The following FSTL5 variants were observed in gnomAD, a reference collection of about 807,000 sequenced individuals.
The protein encoded by FSTL5 is follistatin like 5.
In FSTL5, 62 loss-of-function variants were observed where a neutral mutation model predicts 89.1. The ratio of observed to expected loss-of-function variants is 0.70; its 90% CI spans 0.57 to 0.86. FSTL5 has a LOEUF of 0.86. Ranked by LOEUF, FSTL5 falls within the 40% of genes least tolerant of loss-of-function variation. FSTL5 has a pLI of 0.00. For missense variants in FSTL5, 1,057 were observed against 1,001.6 expected (o/e 1.06, Z -0.75); for synonymous variants, 383 against 346.2 (o/e 1.11, Z -1.18).
chr4:161,650,565 C>A (rs1442393363), intron 7 of FSTL5, among the ~76,000 whole-genome samples: 3 of 152,026 alleles, frequency 2.0e-5, no homozygotes, highest in African/African-American at 7.2e-5. Context: ...GGGAGCTTTA[C>A]ATTTGGTATC....
chr4:162,021,127 T>G (rs1441718572), intron 3 of FSTL5, among the ~76,000 whole-genome samples: 1 of 152,192 alleles, frequency 6.6e-6, no homozygotes, highest in Non-Finnish European at 1.5e-5. Context: ...ATTATTAACC[T>G]ATTTATTCAA....
chr4:162,025,909 T>G (rs1204815398), intron 3 of FSTL5, among the ~76,000 whole-genome samples: 2 of 151,950 alleles, frequency 1.3e-5, no homozygotes, highest in African/African-American at 4.8e-5. Flanking sequence ...CTAAAAATAT[T>G]TCAAATAACA....
chr4:161,977,996 T>C (rs1456565310), intron 3 of FSTL5, among the ~76,000 whole-genome samples: 1 of 152,230 alleles, frequency 6.6e-6, no homozygotes, highest in Non-Finnish European at 1.5e-5. Flanking sequence ...ATTTCTTACT[T>C]ATGTCATTGT....
At chr4:161,999,168 T>C (rs1736388560) in intron 3 of FSTL5, among the ~76,000 whole-genome samples, 1 of 152,166 alleles carries the variant, frequency 6.6e-6, no homozygotes, top group Non-Finnish European at 1.5e-5. Context: ...TAATTTTTTA[T>C]TTCCACATTG....
intron 1 of FSTL5, among the ~76,000 whole-genome samples, chr4:162,156,422 AC>A (rs1733474978): frequency 6.6e-6 from 1 of 152,178 alleles, no homozygotes; most frequent in Non-Finnish European, 1.5e-5. Flanking sequence ...TAATCATTCT[AC>A]AAAAAACATA....
chr4:161,754,222 T>C (rs926138860), intron 6 of FSTL5, among the ~76,000 whole-genome samples: 10 of 152,056 alleles, frequency 6.6e-5, no homozygotes, highest in African/African-American at 2.4e-4. Context: ...ATGTTCACAG[T>C]TGATGTGTTT....
chr4:161,833,025 T>G (rs1033747667), intron 4 of FSTL5, among the ~76,000 whole-genome samples: 1 of 151,174 alleles, frequency 6.6e-6, no homozygotes, highest in Non-Finnish European at 1.5e-5. Context: ...TTTAGTGCTA[T>G]AAATTTCCCT....
At chr4:162,002,647 A>G (rs1387349223) in intron 3 of FSTL5, among the ~76,000 whole-genome samples, 1 of 152,242 alleles carries the variant, frequency 6.6e-6, no homozygotes, top group African/African-American at 2.4e-5. Context: ...CAGTAGAGTC[A>G]GATAAAACAA....
At chr4:161,735,258 C>T (rs535421412) in intron 6 of FSTL5, among the ~76,000 whole-genome samples, 12 of 152,216 alleles carry the variant, frequency 7.9e-5, no homozygotes, top group Admixed American at 3.3e-4. Context: ...ATGGGGAAGG[C>T]GCGAGAAGGT....
At chr4:161,647,845 T>G (rs1736203739) in intron 7 of FSTL5, among the ~76,000 whole-genome samples, 1 of 151,742 alleles carries the variant, frequency 6.6e-6, no homozygotes, top group Non-Finnish European at 1.5e-5. Flanking sequence ...CCACCTGGCC[T>G]GCTACGCCCC....
intron 6 of FSTL5, among the ~76,000 whole-genome samples, chr4:161,691,751 T>C (rs1579024914): frequency 4.6e-5 from 7 of 152,238 alleles, no homozygotes; most frequent in Admixed American, 3.9e-4. Context: ...ATAAAATTAT[T>C]TCCTAGATAT....
chr4:161,897,166 T>A (rs911994877), intron 4 of FSTL5, among the ~76,000 whole-genome samples: 6 of 151,840 alleles, frequency 4.0e-5, no homozygotes, highest in African/African-American at 1.4e-4. Flanking sequence ...TTAAACTAGA[T>A]CATACTGTTC....
At chr4:161,846,043 C>T (rs1209021203) in intron 4 of FSTL5, among the ~76,000 whole-genome samples, 8 of 79,396 alleles carry the variant, frequency 1.0e-4, no homozygotes, top group Admixed American at 2.9e-4. Context: ...AACAAGACTC[C>T]GTCTCAAAAA....
intron 3 of FSTL5, among the ~76,000 whole-genome samples, chr4:161,951,358 C>G (rs1734889417): frequency 6.6e-6 from 1 of 152,128 alleles, no homozygotes; most frequent in South Asian, 2.1e-4. Flanking sequence ...AATTTCTCCT[C>G]CTTCAAGTAT....
At chr4:161,635,528 A>G (rs1387572358) in intron 7 of FSTL5, among the ~76,000 whole-genome samples, 1 of 152,154 alleles carries the variant, frequency 6.6e-6, no homozygotes, top group Non-Finnish European at 1.5e-5. Context: ...ATCTAACATC[A>G]TATAATACAA....
chr4:161,710,766 T>C (rs940417017), intron 6 of FSTL5, among the ~76,000 whole-genome samples: 3 of 152,188 alleles, frequency 2.0e-5, no homozygotes, highest in Admixed American at 2.0e-4. Flanking sequence ...TGGAATTCAG[T>C]TATAAATCTG....
chr4:161,442,436 A>G (rs776823963), intron 15 of FSTL5, among the ~76,000 whole-genome samples: 12 of 152,138 alleles, frequency 7.9e-5, no homozygotes, highest in Non-Finnish European at 1.5e-4. Context: ...CTCAAGTGCC[A>G]CAAATATCTT....
chr4:161,455,065 G>A lies in FSTL5; in HGVS notation c.1780C>T (p.Gln594Ter). Residue 594 changes from glutamine (Q) to a stop codon, truncating the protein, a stop_gained, in exon 15 of 16, where the codon CAA (glutamine) becomes TAA (stop). Transcript: ENST00000306100. LOFTEE classifies it high-confidence loss of function. The stretch of plus-strand genomic sequence containing the variant: ...AAAAAATCATCCACTCTGTCAAATT[G>A]CTTTCCCACTGGTTGGGTGTGGATC... ...HTIHTQPVGK[Q>*]FDRVDDFFIP... 1 of 1,613,450 alleles carries A rather than the reference G, an allele frequency of 6.2e-7. No individual in the cohort carries two copies. The highest frequency in any genetic ancestry group is 1.1e-5 in the South Asian group (1 of 91,034).
intron 6 of FSTL5, among the ~76,000 whole-genome samples, chr4:161,728,411 G>C (rs1739494598): frequency 6.6e-6 from 1 of 152,092 alleles, no homozygotes; most frequent in Non-Finnish European, 1.5e-5. Flanking sequence ...AGGAGAAAAA[G>C]ATATTAAGGG....
Sources: gnomAD v4.1 joint callset for allele counts (sites outside exome capture counted in the v4.1 genomes callset) on GRCh38, gnomAD v4.1.1 for gene constraint, MANE v1.5 for transcripts, NCBI Gene and HGNC (gene_info 2026-07-23, HGNC 2026-07-21) for gene names.